Variants in PLXDC2 observed in about 807,000 individuals in gnomAD.
PLXDC2 encodes the protein plexin domain-containing protein 2.
PLXDC2 carries 40 observed loss-of-function variants against 68.9 expected under a neutral mutation model. The observed-to-expected ratio is 0.58, with a 90% CI of 0.45 to 0.76. The LOEUF (loss-of-function observed/expected upper bound fraction) is 0.76. PLXDC2 is among the 30% of genes least tolerant of loss of function. The probability of loss-of-function intolerance (pLI) is 0.00; values close to 1 mark genes in which losing one functional copy is unlikely to be tolerated. For missense variants in PLXDC2, 644 were observed against 661.9 expected, an observed-to-expected ratio of 0.97 and a Z score of 0.30; for synonymous variants, 243 against 234.2, an observed-to-expected ratio of 1.04 and a Z score of -0.34.
intron 9 of PLXDC2, among the ~76,000 whole-genome samples, chr10:20,189,514 CACACATATAT>C (rs1398422271): frequency 2.7e-3 from 228 of 84,220 alleles, no homozygotes; most frequent in African/African-American, 9.1e-3. Context: ...TACACATACA[CACACATATAT>C]ATACACACAC....
At chr10:20,053,197 T>C (rs565613537) in intron 3 of PLXDC2, among the ~76,000 whole-genome samples, 1 of 152,232 alleles carries the variant, frequency 6.6e-6, no homozygotes, top group Non-Finnish European at 1.5e-5. Context: ...ATCATTAGTA[T>C]TTGCATGACA....
In PLXDC2 at chr10:20,288,106, G is replaced by T. The variant is rs977423284; in HGVS notation, c.*8287G>T. ...TGTCAGAATCACAAAGCTCACTGCG[G>T]CACTGCTACAAGAGGACACTGAGGA... On this transcript the variant is annotated 3_prime_UTR_variant, in exon 14 of 14. Transcript: ENST00000377252. 2 of 151,834 alleles carry T rather than the reference G, an allele frequency of 1.3e-5. No homozygotes were observed. Among genetic ancestry groups the T allele is most frequent in the Non-Finnish European group, 2.9e-5 (2 of 68,018 alleles). The allele number at this position is 151,834 out of a possible 1,614,324, so 9.4% of individuals were successfully genotyped here.
At chr10:19,892,513 G>A (rs1035709013) in intron 1 of PLXDC2, among the ~76,000 whole-genome samples, 1 of 152,274 alleles carries the variant, frequency 6.6e-6, no homozygotes, top group East Asian at 1.9e-4. Context: ...GTAAAGTTAC[G>A]ACTAGGACTC....
chr10:19,933,830 G>A (rs1833680266), intron 1 of PLXDC2, among the ~76,000 whole-genome samples: 1 of 121,128 alleles, frequency 8.3e-6, no homozygotes, highest in South Asian at 3.0e-4. Flanking sequence ...AGGAGGGAAG[G>A]AAGGAAGGAG....
intron 6 of PLXDC2, among the ~76,000 whole-genome samples, chr10:20,154,757 C>CT (rs1040803106): frequency 6.6e-6 from 1 of 151,746 alleles, no homozygotes; most frequent in Non-Finnish European, 1.5e-5. Context: ...GGATGTGACT[C>CT]TTTTTTTGTG....
At chr10:19,964,940 G>A (rs1834223640) in intron 1 of PLXDC2, among the ~76,000 whole-genome samples, 1 of 152,006 alleles carries the variant, frequency 6.6e-6, no homozygotes, top group Admixed American at 6.6e-5. Flanking sequence ...CTTCCCTCAC[G>A]CCTTTGTAGG....
chr10:20,147,898 A>G lies in PLXDC2; in HGVS notation c.779A>G (p.Lys260Arg). ...LMDGRIIFGY[K>R]EIPVLVTQIS... ...GATGGACGAATCATCTTTGGATACA[A>G]AGAAGTAAGTGATGCGTTGATAATT... Residue 260 changes from lysine to arginine, a missense_variant, in exon 6 of 14, where the codon AAA becomes AGA. By Grantham distance (26) the Lys-to-Arg change is conservative. Coordinates refer to ENST00000377252, the MANE Select transcript of PLXDC2 (RefSeq NM_032812.9). 1 of 1,592,970 alleles carries G rather than the reference A, an allele frequency of 6.3e-7. No homozygotes were observed. The highest frequency in any genetic ancestry group is 1.1e-5 in the South Asian group (1 of 90,558).
At chr10:19,920,745 A>C (rs1249367720) in intron 1 of PLXDC2, among the ~76,000 whole-genome samples, 1 of 151,864 alleles carries the variant, frequency 6.6e-6, no homozygotes, top group Non-Finnish European at 1.5e-5. Context: ...TTTTGTAGAG[A>C]CAGGGTTTCG....
chr10:19,890,566 A>G (rs1308105688), intron 1 of PLXDC2, among the ~76,000 whole-genome samples: 12 of 142,744 alleles, frequency 8.4e-5, no homozygotes, highest in East Asian at 6.2e-4. Flanking sequence ...GAGCAGAGAC[A>G]GGGTTTCACC....
At chr10:20,041,150 T>G (rs1835675277) in intron 2 of PLXDC2, among the ~76,000 whole-genome samples, 1 of 152,200 alleles carries the variant, frequency 6.6e-6, no homozygotes, top group Non-Finnish European at 1.5e-5. Context: ...AGTTACGGAA[T>G]TTTTATTAGA....
At chr10:19,986,825 A>C (rs1834649424) in intron 1 of PLXDC2, among the ~76,000 whole-genome samples, 1 of 152,204 alleles carries the variant, frequency 6.6e-6, no homozygotes, top group Non-Finnish European at 1.5e-5. Flanking sequence ...ATCTGTGTAG[A>C]ATGGGAACAT....
intron 1 of PLXDC2, among the ~76,000 whole-genome samples, chr10:19,843,261 A>C (rs888271264): frequency 4.3e-5 from 6 of 138,390 alleles, no homozygotes; most frequent in Admixed American, 8.1e-5. Flanking sequence ...AATGCAATGG[A>C]ATACTTATTT....
intron 4 of PLXDC2, among the ~76,000 whole-genome samples, chr10:20,093,258 T>TTC (rs977031599): frequency 1.3e-5 from 2 of 152,188 alleles, no homozygotes; most frequent in Admixed American, 1.3e-4. Flanking sequence ...TTTGTTTTCT[T>TTC]TCTCTCTCCC....
intron 1 of PLXDC2, among the ~76,000 whole-genome samples, chr10:19,831,676 A>T (rs188720087): frequency 6.6e-6 from 1 of 152,198 alleles, no homozygotes. Context: ...AAGTAAGAAC[A>T]TGTGATATTT....
chr10:19,923,427 T>C (rs1833492550), intron 1 of PLXDC2, among the ~76,000 whole-genome samples: 1 of 152,128 alleles, frequency 6.6e-6, no homozygotes, highest in Non-Finnish European at 1.5e-5. Flanking sequence ...TATGTAAGAG[T>C]AAAAATCAAA....
intron 12 of PLXDC2, among the ~76,000 whole-genome samples, chr10:20,232,567 A>G (rs964509824): frequency 2.6e-4 from 40 of 152,370 alleles, no homozygotes; most frequent in African/African-American, 9.1e-4. Context: ...AACTACTGAT[A>G]CATGCAATAA....
intron 4 of PLXDC2, among the ~76,000 whole-genome samples, chr10:20,085,130 C>T (rs939506846): frequency 6.6e-6 from 1 of 150,826 alleles, no homozygotes; most frequent in Non-Finnish European, 1.5e-5. Flanking sequence ...CTCCAAGCAG[C>T]TTGGCACCGT....
intron 1 of PLXDC2, among the ~76,000 whole-genome samples, chr10:19,915,839 T>G (rs1833355470): frequency 6.7e-6 from 1 of 149,728 alleles, no homozygotes; most frequent in African/African-American, 2.5e-5. Flanking sequence ...CTTTTAAAAA[T>G]TTATTCATGT....
chr10:20,091,857 C>G (rs1027358697), intron 4 of PLXDC2: 3 of 152,236 alleles, frequency 2.0e-5, no homozygotes, highest in African/African-American at 7.2e-5. Flanking sequence ...CTCTTCACAC[C>G]TGTTGTAAAA....
Sources: gnomAD v4.1 joint callset for allele counts (sites outside exome capture counted in the v4.1 genomes callset) on GRCh38, gnomAD v4.1.1 for gene constraint, MANE v1.5 for transcripts, NCBI Gene and HGNC (gene_info 2026-07-23, HGNC 2026-07-21) for gene names.